SLC44A3: variants seen among roughly 807,000 people sequenced by gnomAD.
SLC44A3 encodes solute carrier family 44 member 3.
Under a neutral mutation model 75.4 loss-of-function variants are expected in SLC44A3, and 74 were observed. The ratio of observed to expected loss-of-function variants is 0.98; its 90% CI spans 0.81 to 1.19. The LOEUF (loss-of-function observed/expected upper bound fraction) is 1.19. SLC44A3 is among the 50% of genes most tolerant of loss of function. The pLI is 0.00. For missense variants in SLC44A3, 700 were observed against 778.6 expected (o/e 0.90, Z 1.20); for synonymous variants, 310 against 296.9 (o/e 1.04, Z -0.45).
chr1:94,880,595 A>G (rs1395607884), intron 12 of SLC44A3, among the ~76,000 whole-genome samples: 1 of 152,202 alleles, frequency 6.6e-6, no homozygotes, highest in Non-Finnish European at 1.5e-5. Context: ...TAGATACTTT[A>G]AATGCTGAAT....
chr1:94,882,455 A>G (rs1012572379), intron 12 of SLC44A3, among the ~76,000 whole-genome samples: 2 of 152,212 alleles, frequency 1.3e-5, no homozygotes, highest in Admixed American at 6.5e-5. Context: ...CCCATGTCAC[A>G]GGTCCACTGT....
intron 5 of SLC44A3, among the ~76,000 whole-genome samples, chr1:94,830,442 A>T (rs1571179108): frequency 6.6e-6 from 1 of 152,052 alleles, no homozygotes; most frequent in Admixed American, 6.5e-5. Context: ...TGATCTCGTG[A>T]CCTCGTGATC....
At chr1:94,892,538 C>T (rs1670331333) in intron 14 of SLC44A3, 21 bp downstream of exon 14, 1 of 1,604,352 alleles carries the variant, frequency 6.2e-7, no homozygotes, top group Non-Finnish European at 8.5e-7. Context: ...ATTTCATTTC[C>T]AATTGCAATC....
chr1:94,876,115 C>G (rs1480767285), intron 12 of SLC44A3, among the ~76,000 whole-genome samples: 1 of 152,210 alleles, frequency 6.6e-6, no homozygotes, highest in Non-Finnish European at 1.5e-5. Context: ...CTGGGCTAGG[C>G]CGGGCCGGGC....
At chr1:94,887,791 G>A (rs957397668) in intron 12 of SLC44A3, among the ~76,000 whole-genome samples, 3 of 152,106 alleles carry the variant, frequency 2.0e-5, no homozygotes, top group African/African-American at 4.8e-5. Context: ...GAGGCTGAGC[G>A]GCAATGGTGG....
intron 9 of SLC44A3, among the ~76,000 whole-genome samples, chr1:94,852,489 G>C (rs1386653086): frequency 6.6e-6 from 1 of 152,184 alleles, no homozygotes; most frequent in African/African-American, 2.4e-5. Flanking sequence ...AGCGAGAGTG[G>C]AGTGGGCGAG....
In SLC44A3 at chr1:94,894,943, A is replaced by C; in HGVS notation, c.*21A>C. ...GATAGATACCCATTTAGGTATCTGT[A>C]CCTGGAAAACATTTCCTTCTAAGAG... On this transcript the variant is annotated 3_prime_UTR_variant, in exon 15 of 15. Coordinates refer to ENST00000271227, the MANE Select transcript of SLC44A3 (RefSeq NM_001114106.3). 1 of 1,557,320 alleles carries C rather than the reference A, an allele frequency of 6.4e-7. No individual in the cohort carries two copies. The highest frequency in any genetic ancestry group is 8.8e-7 in the Non-Finnish European group (1 of 1,137,100).
intron 10 of SLC44A3, 40 bp downstream of exon 10, chr1:94,857,540 G>A (rs763993047): frequency 7.7e-6 from 12 of 1,560,516 alleles, no homozygotes; most frequent in Admixed American, 1.9e-5. Flanking sequence ...TGTCTATGTG[G>A]TTTATCTATG....
chr1:94,889,866 T>C (rs561209305), intron 12 of SLC44A3, among the ~76,000 whole-genome samples: 1 of 152,312 alleles, frequency 6.6e-6, no homozygotes, highest in South Asian at 2.1e-4. Context: ...CTTTTTTTTT[T>C]TGAGATGGAG....
chr1:94,828,938 A>G (rs1250670906), intron 5 of SLC44A3, among the ~76,000 whole-genome samples: 1 of 152,202 alleles, frequency 6.6e-6, no homozygotes, highest in East Asian at 1.9e-4. Flanking sequence ...TATTTATTGC[A>G]AAGTAGAAAT....
intron 7 of SLC44A3, among the ~76,000 whole-genome samples, chr1:94,841,111 C>T (rs1663571616): frequency 6.6e-6 from 1 of 152,156 alleles, no homozygotes; most frequent in Admixed American, 6.5e-5. Context: ...CCTATTACTC[C>T]TAGGCTACGA....
Position 94,827,633 on chromosome 1 carries a change from A to G in SLC44A3, c.405A>G (p.Ala135=). Residue 135 remains alanine, a synonymous_variant, in exon 4 of 15, where the codon GCA becomes GCG. Coordinates refer to ENST00000271227, the MANE Select transcript of SLC44A3 (RefSeq NM_001114106.3). ...CCCTGGAAGAGGTCCAGTTCTTTGC[A>G]AACACCAGTGGTAGGCACTAAGGCC... ...LDSLEEVQFF[A]NTSGSFLCVY... The G allele has an allele frequency of 6.2e-7, 1 of 1,614,162 alleles. No individual in the cohort carries two copies. The highest frequency in any genetic ancestry group is 1.3e-5 in the African/African-American group (1 of 75,046).
chr1:94,888,664 C>A, intron 12 of SLC44A3: 1 of 982,506 alleles, frequency 1.0e-6, no homozygotes, highest in Non-Finnish European at 1.2e-6. Flanking sequence ...GCAGGAAATT[C>A]ATCTGACGTC....
intron 9 of SLC44A3, among the ~76,000 whole-genome samples, chr1:94,848,166 G>A (rs954650634): frequency 6.6e-6 from 1 of 151,382 alleles, no homozygotes; most frequent in Non-Finnish European, 1.5e-5. Flanking sequence ...GAGGCGGAGG[G>A]TGCAGTGAGC....
At chr1:94,821,515 A>T (rs1000412932) in intron 2 of SLC44A3, among the ~76,000 whole-genome samples, 1 of 152,182 alleles carries the variant, frequency 6.6e-6, no homozygotes, top group Non-Finnish European at 1.5e-5. Flanking sequence ...TGTTGTGTTT[A>T]GCAGCCAACA....
At chr1:94,867,047 T>G (rs1427857974) in intron 11 of SLC44A3, among the ~76,000 whole-genome samples, 1 of 152,136 alleles carries the variant, frequency 6.6e-6, no homozygotes, top group African/African-American at 2.4e-5. Context: ...GAGAGGTTTT[T>G]TTTTTTACTG....
rs1660488574 is a variant in SLC44A3 at position 94,820,964 on chromosome 1, G to A, written c.43G>A (p.Ala15Thr). 1 of 1,551,190 alleles carries A rather than the reference G, an allele frequency of 6.4e-7. No individual in the cohort carries two copies. The highest frequency in any genetic ancestry group is 1.4e-5 in the African/African-American group (1 of 73,150). ...TTTCTGGAAGGTTTCTGCAGAAGGA[G>A]CCCCTAGGCAAAGGGAGTGGCGACC... Reference protein sequence around the residue: ...GAEYLVSAEGAPRQREWRPQI... With the variant: ...GAEYLVSAEGTPRQREWRPQI... The change falls in exon 2 of 15, where the codon GCC (alanine) becomes ACC (threonine). Residue 15 changes from alanine to threonine, a missense_variant. Physicochemically the swap from Ala to Thr is moderately conservative, Grantham distance 58. Coordinates refer to ENST00000271227, the MANE Select transcript of SLC44A3 (RefSeq NM_001114106.3).
intron 9 of SLC44A3, among the ~76,000 whole-genome samples, chr1:94,847,967 G>A (rs557362618): frequency 1.3e-4 from 20 of 152,154 alleles, no homozygotes; most frequent in South Asian, 1.2e-3. Context: ...AGTGGCTCAC[G>A]CCTGTAATCC....
chr1:94,854,510 A>T (rs1333396193), intron 9 of SLC44A3, among the ~76,000 whole-genome samples: 5 of 152,218 alleles, frequency 3.3e-5, no homozygotes, highest in African/African-American at 1.2e-4. Flanking sequence ...TGCCCAGTCC[A>T]TAGAGACAAA....
Sources: gnomAD v4.1 joint callset for allele counts (sites outside exome capture counted in the v4.1 genomes callset) on GRCh38, gnomAD v4.1.1 for gene constraint, MANE v1.5 for transcripts, NCBI Gene and HGNC (gene_info 2026-07-23, HGNC 2026-07-21) for gene names.